RNF19A: variants seen among roughly 807,000 people sequenced by gnomAD.
The protein encoded by RNF19A is E3 ubiquitin-protein ligase RNF19A.
RNF19A carries 32 observed loss-of-function variants against 75.7 expected under a neutral mutation model. The observed-to-expected ratio is 0.42, with a 90% CI of 0.32 to 0.57. The LOEUF (loss-of-function observed/expected upper bound fraction) is 0.57. Ranked by LOEUF, RNF19A falls within the 20% of genes least tolerant of loss-of-function variation. The probability of loss-of-function intolerance (pLI) is 0.10; values close to 1 mark genes in which losing one functional copy is unlikely to be tolerated. For synonymous variants in RNF19A, 335 were observed against 345.2 expected (o/e 0.97, Z 0.33); for missense variants, 782 against 1,036.3 (o/e 0.75, Z 3.37).
At chr8:100,288,767 A>G (rs1434998611) in intron 1 of RNF19A, among the ~76,000 whole-genome samples, 1 of 152,180 alleles carries the variant, frequency 6.6e-6, no homozygotes, top group Admixed American at 6.5e-5. Flanking sequence ...AGTCAAGAAA[A>G]AGTCCCATAT....
chr8:100,297,233 A>C (rs1486231329), intron 1 of RNF19A, among the ~76,000 whole-genome samples: 1 of 152,260 alleles, frequency 6.6e-6, no homozygotes. Context: ...CAATGTTACT[A>C]GATGTACAAT....
chr8:100,283,566 A>G (rs1459421325), intron 2 of RNF19A, among the ~76,000 whole-genome samples: 3 of 152,182 alleles, frequency 2.0e-5, no homozygotes, highest in Admixed American at 2.0e-4. Context: ...CCTAGCCCTC[A>G]AAAGAGTGGA....
intron 1 of RNF19A, among the ~76,000 whole-genome samples, chr8:100,292,949 T>C (rs563224073): frequency 6.6e-6 from 1 of 152,310 alleles, no homozygotes; most frequent in East Asian, 1.9e-4. Context: ...CCAGGACCAA[T>C]TTCATAGAAG....
At chr8:100,268,631 A>G (rs1820100203) in intron 5 of RNF19A, 154 bp downstream of exon 5, 1 of 431,312 alleles carries the variant, frequency 2.3e-6, no homozygotes, top group Non-Finnish European at 3.9e-6. Context: ...CTAAAAATTT[A>G]TGAAAAAAGA....
At position 100,287,487 on chromosome 8, in the gene RNF19A, CAT is replaced by C; in HGVS notation, c.674+12_674+13del. The C allele has an allele frequency of 1.3e-6, 2 of 1,552,392 alleles. No individual in the cohort carries two copies. Among genetic ancestry groups the C allele is most frequent in the South Asian group, 2.4e-5 (2 of 82,410 alleles). ...AAAAATTAACTCAAGAAAAATCAAA[CAT>C]TATCTTCTTACCCACAGTCTGGAGC... On this transcript the variant is annotated intron_variant, in intron 2 of 9. Transcript: ENST00000341084. The surrounding 1 kb of genome is among the most constrained non-coding windows in gnomAD (Gnocchi z 4.1).
rs1221050562 is a variant in RNF19A at position 100,317,789 on chromosome 8, A to G, written c.-242-4417T>C. 6.6e-6 allele frequency among the ~76,000 whole-genome samples: 1 copy of G among 152,228 alleles called. No homozygotes were observed. Among genetic ancestry groups the G allele is most frequent in the Non-Finnish European group, 1.5e-5 (1 of 68,052 alleles). On this transcript the variant is annotated intron_variant, in intron 1 of 3. Transcript: ENST00000519527. This position sits in a 1 kb window ranked among gnomAD's most constrained non-coding sequence, Gnocchi z 4.3. ...CAGCAGGTGATGAGCAATGACTTAG[A>G]GTGACCATATGTGGCAGCTTGCTCA...
chr8:100,268,458 T>C (rs867625201), intron 5 of RNF19A: 1 of 183,958 alleles, frequency 5.4e-6, no homozygotes, highest in African/African-American at 2.3e-5. Flanking sequence ...AAAGATCTCA[T>C]AGACCTGACC....
At chr8:100,316,364 A>G (rs1393865932) in intron 1 of RNF19A, among the ~76,000 whole-genome samples, 1 of 152,128 alleles carries the variant, frequency 6.6e-6, no homozygotes, top group African/African-American at 2.4e-5. Flanking sequence ...GTGGGTTGCC[A>G]CTGCTGTCCC....
At chr8:100,273,344 G>C (rs1820351020) in intron 3 of RNF19A, among the ~76,000 whole-genome samples, 1 of 152,106 alleles carries the variant, frequency 6.6e-6, no homozygotes, top group African/African-American at 2.4e-5. Context: ...TGATCATATA[G>C]TCACATCTTA....
rs1820485134 is a variant in RNF19A, at chr8:100,275,903, A to G, written c.675-742T>C. Among the ~76,000 whole-genome samples, 1 of 152,110 alleles carries G rather than the reference A, an allele frequency of 6.6e-6. No individual in the cohort carries two copies. Among genetic ancestry groups the G allele is most frequent in the South Asian group, 2.1e-4 (1 of 4,824 alleles). ...TTTTGTATGTATGCAGAAGTCACAC[A>G]TTTTTCTTCCTAAGATGCATGGCAA... On this transcript the variant is annotated intron_variant, in intron 2 of 9. Transcript: ENST00000341084. This position sits in a 1 kb window ranked among gnomAD's most constrained non-coding sequence, Gnocchi z 4.3.
chr8:100,268,724 A>C (rs994826337), intron 5 of RNF19A, 61 bp downstream of exon 5: 84 of 1,212,190 alleles, frequency 6.9e-5, no homozygotes, highest in Non-Finnish European at 8.9e-5. Context: ...CATCAATACT[A>C]AAAGAATACA....
intron 1 of RNF19A, chr8:100,309,531 T>C: frequency 1.0e-6 from 1 of 985,276 alleles, no homozygotes; most frequent in Non-Finnish European, 1.2e-6. Flanking sequence ...CGTCATAATA[T>C]CGCCGGGCCG....
In RNF19A at chr8:100,264,884, A is replaced by G; in HGVS notation, c.1192-99T>C. On this transcript the variant is annotated intron_variant, in intron 5 of 9. Transcript: ENST00000341084. This position sits in a 1 kb window ranked among gnomAD's most constrained non-coding sequence, Gnocchi z 4.7. ...TATACTTGCTAAAGTGATTTTTCAT[A>G]GAAGTTCGTAGCTGAGTATCTTAGT... 4.7e-6 allele frequency: 4 copies of G among 851,372 alleles called. No individual in the cohort carries two copies. In the Admixed American group the frequency reaches 6.5e-5, roughly 14 times the overall value. The allele number at this position is 851,372 out of a possible 1,614,324, so 52.7% of individuals were successfully genotyped here.
chr8:100,295,474 T>C (rs1821511839), intron 1 of RNF19A, among the ~76,000 whole-genome samples: 1 of 152,164 alleles, frequency 6.6e-6, no homozygotes, highest in Admixed American at 6.5e-5. Context: ...GAACCAATAT[T>C]AGCAGATAAA....
chr8:100,281,342 A>G (rs1310665842), intron 2 of RNF19A, among the ~76,000 whole-genome samples: 1 of 152,156 alleles, frequency 6.6e-6, no homozygotes, highest in East Asian at 1.9e-4. Context: ...TTTGTTTTCT[A>G]TTATAGGATT....
At chr8:100,282,944 A>C (rs1487239484) in intron 2 of RNF19A, among the ~76,000 whole-genome samples, 1 of 152,196 alleles carries the variant, frequency 6.6e-6, no homozygotes, top group Non-Finnish European at 1.5e-5. Flanking sequence ...CACAAAGCCA[A>C]TTATAGTTGA....
chr8:100,307,698 C>T (rs1053955225), intron 1 of RNF19A, among the ~76,000 whole-genome samples: 2 of 151,994 alleles, frequency 1.3e-5, no homozygotes, highest in Non-Finnish European at 2.9e-5. Flanking sequence ...AATCCAACCC[C>T]AATAAAATAG....
chr8:100,278,321 GTGT>G (rs1820620851), intron 2 of RNF19A, among the ~76,000 whole-genome samples: 1 of 152,166 alleles, frequency 6.6e-6, no homozygotes. Context: ...TATAAATAAT[GTGT>G]TATTAGGATT....
At chr8:100,312,645 C>T (rs11992215), upstream of RNF19A, among the ~76,000 whole-genome samples, 19,948 of 151,926 alleles carry the variant, frequency 0.13, 3,996 homozygotes, top group African/African-American at 0.43. Context: ...GAAAGAAAAC[C>T]GGGCGCAGTG....
Sources: allele counts gnomAD v4.1 joint callset (sites outside exome capture counted in the v4.1 genomes callset), GRCh38; gene constraint gnomAD v4.1.1; non-coding constraint Gnocchi (gnomAD v3.1); transcripts MANE v1.5; gene names NCBI Gene and HGNC (gene_info 2026-07-23, HGNC 2026-07-21).